GRSF1: variants seen among roughly 807,000 people sequenced by gnomAD.
GRSF1 encodes the protein G-rich sequence factor 1.
Under a neutral mutation model 51.1 loss-of-function variants are expected in GRSF1, and 50 were observed. The observed-to-expected ratio is 0.98, with a 90% confidence interval of 0.78 to 1.24. The LOEUF (loss-of-function observed/expected upper bound fraction) is 1.24, where lower values mean the gene tolerates loss of function less well. Ranked by LOEUF, GRSF1 falls within the 50% of genes most tolerant of loss-of-function variation. The pLI, the probability that GRSF1 is intolerant of heterozygous loss-of-function variation, is 0.00. For missense variants in GRSF1, 700 were observed against 639.7 expected (o/e 1.09, Z -1.02); for synonymous variants, 293 against 253.3 (o/e 1.16, Z -1.49).
In GRSF1 at chr4:70,824,478, C is replaced by G. The variant is rs1733653930; in HGVS notation, c.1394-110G>C. 4 of 637,760 alleles carry G rather than the reference C, an allele frequency of 6.3e-6. No individual in the cohort carries two copies. The South Asian group carries it at 6.8e-5, about 11-fold the overall frequency. The allele number at this position is 637,760 out of a possible 1,614,324, so 39.5% of individuals were successfully genotyped here. ...ACTCAAACCCTTTGCCCTTTCCTTT[C>G]CCTAATTAAAAACAAAATTTAGGCC... On this transcript the variant is annotated intron_variant, in intron 8 of 9. Transcript: ENST00000254799.
chr4:70,837,521 G>A (rs1395886705), intron 1 of GRSF1, among the ~76,000 whole-genome samples: 2 of 136,170 alleles, frequency 1.5e-5, no homozygotes, highest in Middle Eastern at 4.8e-3. Context: ...CTGAGATCTC[G>A]GCATTTCACT....
At position 70,826,265 on chromosome 4, in the gene GRSF1, G is replaced by A; in HGVS notation, c.1136-20C>T. 1 of 1,586,602 alleles carries A rather than the reference G, an allele frequency of 6.3e-7. No individual in the cohort carries two copies. The highest frequency in any genetic ancestry group is 8.6e-7 in the Non-Finnish European group (1 of 1,169,484). On this transcript the variant is annotated intron_variant, in intron 6 of 9. Transcript: ENST00000254799. Reference sequence around the variant, plus strand: ...GCAATTCTGAGAGGTGGAACAGAAAGCACTGTTAAAACATAACAGCTTCAA... The same window carrying A: ...GCAATTCTGAGAGGTGGAACAGAAAACACTGTTAAAACATAACAGCTTCAA...
chr4:70,835,866 C>T (rs1266485378), intron 2 of GRSF1, among the ~76,000 whole-genome samples: 2 of 152,320 alleles, frequency 1.3e-5, no homozygotes, highest in Admixed American at 6.5e-5. Context: ...AGCCATCCTT[C>T]CACCTTGGCC....
chr4:70,840,337 C>A (rs1260618419), upstream of GRSF1, among the ~76,000 whole-genome samples: 2 of 152,220 alleles, frequency 1.3e-5, no homozygotes, highest in African/African-American at 4.8e-5. Context: ...AGGGGCCTGG[C>A]GCAGTGACTC....
At position 70,830,785 on chromosome 4, in the gene GRSF1, C is replaced by T. The variant is rs540557659; in HGVS notation, c.950+754G>A. ...ATGCAGTGAGCCAAGATCACACCAC[C>T]GCACTCCAGCCTAGGCGGCAGAGTG... On this transcript the variant is annotated intron_variant, in intron 5 of 9. Coordinates refer to ENST00000254799, the MANE Select transcript of GRSF1 (RefSeq NM_002092.4). 5.3e-5 allele frequency among the ~76,000 whole-genome samples: 8 copies of T among 150,546 alleles called. No homozygotes were observed. The South Asian group carries it at 1.1e-3, about 20-fold the overall frequency.
chr4:70,842,402 G>A (rs909728630), upstream of GRSF1, among the ~76,000 whole-genome samples: 5 of 152,120 alleles, frequency 3.3e-5, no homozygotes, highest in Non-Finnish European at 7.4e-5. Flanking sequence ...AAAAGAGAAG[G>A]GGGTTTCTTC....
At chr4:70,834,992 G>T (rs377098106) in intron 2 of GRSF1, among the ~76,000 whole-genome samples, 251 of 152,092 alleles carry the variant, frequency 1.7e-3, no homozygotes, top group South Asian at 4.4e-3. Context: ...TCCCCTCTTT[G>T]TGTCCATGTG....
Position 70,817,855 on chromosome 4 carries a change from T to C in GRSF1, c.*3032A>G, listed in dbSNP as rs1733370401. The C allele has an allele frequency of 6.6e-6, 1 of 152,136 alleles. No homozygotes were observed. Among genetic ancestry groups the C allele is most frequent in the Non-Finnish European group, 1.5e-5 (1 of 67,970 alleles). The allele number at this position is 152,136 out of a possible 1,614,324, so 9.4% of individuals were successfully genotyped here. A position where few individuals can be genotyped will look rare whatever the true frequency, so the allele number is the denominator to read the frequency against. ...TTCCCTTCCTACAAACTTCAGATTCTCTTCTAATTTGCTGAACTTGGGGAG... is the reference window on the plus strand; with the variant it reads ...TTCCCTTCCTACAAACTTCAGATTCCCTTCTAATTTGCTGAACTTGGGGAG... On this transcript the variant is annotated 3_prime_UTR_variant, in exon 10 of 10. Coordinates refer to ENST00000254799, the MANE Select transcript of GRSF1 (RefSeq NM_002092.4).
chr4:70,821,985 T>C (rs180777799), intron 9 of GRSF1, among the ~76,000 whole-genome samples: 51 of 152,150 alleles, frequency 3.4e-4, no homozygotes, highest in Admixed American at 1.9e-3. Context: ...CCCATGTGTT[T>C]TCAAGAAATC....
chr4:70,831,059 C>T (rs1226533908), intron 5 of GRSF1, among the ~76,000 whole-genome samples: 1 of 152,010 alleles, frequency 6.6e-6, no homozygotes, highest in African/African-American at 2.4e-5. Context: ...TAGTCCCTGC[C>T]CCACAAGGAG....
chr4:70,834,613 T>C (rs187263119), intron 2 of GRSF1, among the ~76,000 whole-genome samples: 1 of 152,266 alleles, frequency 6.6e-6, no homozygotes, highest in Admixed American at 6.5e-5. Flanking sequence ...GCAAGCACAG[T>C]ACCCAATAGG....
chr4:70,838,413 A>C (rs1018000334), intron 1 of GRSF1, among the ~76,000 whole-genome samples: 3 of 152,138 alleles, frequency 2.0e-5, no homozygotes, highest in Non-Finnish European at 4.4e-5. Context: ...CCATTTTTCC[A>C]TAATTCCATA....
chr4:70,832,217 T>C, intron 4 of GRSF1, 90 bp downstream of exon 4: 2 of 1,030,460 alleles, frequency 1.9e-6, no homozygotes, highest in African/African-American at 1.6e-5. Flanking sequence ...CTGCATGCCT[T>C]TGCCCAGAAA....
intron 8 of GRSF1, among the ~76,000 whole-genome samples, chr4:70,825,000 G>T (rs940047801): frequency 1.3e-5 from 2 of 152,100 alleles, no homozygotes; most frequent in Admixed American, 1.3e-4. Context: ...TACTCAGGTG[G>T]CTGAGGCAGG....
intron 4 of GRSF1, 30 bp downstream of exon 4, chr4:70,832,277 G>C: frequency 6.3e-7 from 1 of 1,592,662 alleles, no homozygotes; most frequent in African/African-American, 1.3e-5. Context: ...AAAGATATGA[G>C]CTCCCAAGCA....
At chr4:70,829,352 T>G (rs2148840794) in intron 5 of GRSF1, among the ~76,000 whole-genome samples, 1 of 4,178 alleles carries the variant, frequency 2.4e-4, no homozygotes, top group Middle Eastern at 0.25. Context: ...TTTTTTTTGT[T>G]TTTTTTTTTA....
chr4:70,839,104 C>T (rs1734347790), intron 1 of GRSF1: 1 of 1,291,156 alleles, frequency 7.7e-7, no homozygotes, highest in Non-Finnish European at 1.0e-6. Flanking sequence ...GCTCGGGCCT[C>T]GCAACTTCAC....
intron 2 of GRSF1, among the ~76,000 whole-genome samples, chr4:70,835,479 C>CA (rs1243347055): frequency 7.2e-6 from 1 of 137,950 alleles, no homozygotes; most frequent in Non-Finnish European, 1.6e-5. Context: ...TTTTTTGAGA[C>CA]AGAGTCTCAC....
intron 8 of GRSF1, among the ~76,000 whole-genome samples, chr4:70,824,873 C>A (rs987822047): frequency 2.6e-5 from 4 of 152,084 alleles, no homozygotes; most frequent in Non-Finnish European, 5.9e-5. Flanking sequence ...GAGGTCGAGG[C>A]AGGTGGACCA....
Sources: allele counts gnomAD v4.1 joint callset (sites outside exome capture counted in the v4.1 genomes callset), GRCh38; gene constraint gnomAD v4.1.1; transcripts MANE v1.5; gene names NCBI Gene and HGNC (gene_info 2026-07-23, HGNC 2026-07-21).